The following ACBD3 variants were observed in gnomAD, a reference collection of about 807,000 sequenced individuals.
ACBD3 encodes the protein Golgi resident protein GCP60.
ACBD3 carries 30 observed loss-of-function variants against 66.9 expected under a neutral mutation model. That is an observed-to-expected ratio of 0.45 (90% CI 0.34 to 0.61). The LOEUF (loss-of-function observed/expected upper bound fraction) is 0.61, where lower values mean the gene tolerates loss of function less well. ACBD3 is among the 20% of genes least tolerant of loss of function. The pLI is 0.02. For missense variants in ACBD3, 544 were observed against 664.5 expected (o/e 0.82, Z 1.99); for synonymous variants, 278 against 259.8 (o/e 1.07, Z -0.68).
chr1:226,157,487 C>T lies in ACBD3; in HGVS notation c.903+1697G>A, dbSNP rs550626534. On this transcript the variant is annotated intron_variant, in intron 5 of 7. Transcript: ENST00000366812. The stretch of plus-strand genomic sequence containing the variant: ...CTCCCAACCTCAAGTGATCCACCCA[C>T]CTCAGCCTCCCAAAGTGCTGGGATT... Among the ~76,000 whole-genome samples the T allele has an allele frequency of 4.6e-5, 7 of 152,282 alleles. No individual in the cohort carries two copies. In the East Asian group the frequency reaches 1.3e-3, roughly 29 times the overall value.
chr1:226,175,403 T>C (rs1379593786), intron 1 of ACBD3, among the ~76,000 whole-genome samples: 1 of 152,198 alleles, frequency 6.6e-6, no homozygotes, highest in African/African-American at 2.4e-5. Context: ...AGGATGACAG[T>C]TGGGCAGCCG....
chr1:226,170,522 T>C (rs1659973082), intron 1 of ACBD3, among the ~76,000 whole-genome samples: 2 of 151,908 alleles, frequency 1.3e-5, no homozygotes, highest in African/African-American at 4.8e-5. Context: ...TCTAAATAAA[T>C]GTCAGTAAAG....
rs34313392 is a variant in ACBD3 at position 226,176,429 on chromosome 1, CAAAAAA to C, written c.286+9955_286+9960del. Among the ~76,000 whole-genome samples, 4 of 83,362 alleles carry C rather than the reference CAAAAAA, an allele frequency of 4.8e-5. No individual in the cohort carries two copies. The Admixed American group carries it at 6.0e-4, about 12-fold the overall frequency. The allele number at this position is 83,362 out of a possible 152,430, so 54.7% of individuals were successfully genotyped here. A position where few individuals can be genotyped will look rare whatever the true frequency, so the allele number is the denominator to read the frequency against. ...TGGGCTACAGAGCGAGACTCCGTCT[CAAAAAA>C]AAAAAAAAAAAAAAGCTTTCAGGTG... On this transcript the variant is annotated intron_variant, in intron 1 of 7. Coordinates refer to ENST00000366812, the MANE Select transcript of ACBD3 (RefSeq NM_022735.4).
At chr1:226,179,596 G>A (rs186159214) in intron 1 of ACBD3, among the ~76,000 whole-genome samples, 24 of 152,260 alleles carry the variant, frequency 1.6e-4, no homozygotes, top group Admixed American at 1.3e-3. Flanking sequence ...GGTGGTTCAC[G>A]CCTGTAATCC....
intron 1 of ACBD3, among the ~76,000 whole-genome samples, chr1:226,177,954 C>T (rs1353410386): frequency 2.6e-5 from 4 of 151,362 alleles, no homozygotes; most frequent in African/African-American, 4.9e-5. Flanking sequence ...TCCCATATTG[C>T]GCAGGCTGGT....
chr1:226,163,838 C>T (rs182384811), intron 3 of ACBD3, among the ~76,000 whole-genome samples: 4 of 152,112 alleles, frequency 2.6e-5, no homozygotes, highest in Admixed American at 6.5e-5. Flanking sequence ...AGAATAACAT[C>T]GGCTGGGCAA....
chr1:226,147,234 C>T (rs924204626), intron 7 of ACBD3, among the ~76,000 whole-genome samples: 4 of 152,190 alleles, frequency 2.6e-5, no homozygotes, highest in Non-Finnish European at 5.9e-5. Flanking sequence ...TTCTGTTGAA[C>T]CATTTAACAA....
At chr1:226,169,720 A>C (rs1029507996) in intron 1 of ACBD3, among the ~76,000 whole-genome samples, 3 of 151,158 alleles carry the variant, frequency 2.0e-5, no homozygotes, top group African/African-American at 4.8e-5. Flanking sequence ...TTAAAACAAA[A>C]AAAAAAAAGG....
intron 1 of ACBD3, among the ~76,000 whole-genome samples, chr1:226,166,344 G>A (rs151317317): frequency 6.6e-6 from 1 of 152,052 alleles, no homozygotes; most frequent in East Asian, 1.9e-4. Flanking sequence ...GGCTGCCCAG[G>A]CTGGTCTCGA....
At chr1:226,169,214 G>C (rs1169139570) in intron 1 of ACBD3, among the ~76,000 whole-genome samples, 2 of 151,666 alleles carry the variant, frequency 1.3e-5, no homozygotes, top group Admixed American at 6.6e-5. Context: ...TCCAGCTCCT[G>C]ATCTTAGCCT....
chr1:226,163,163 C>T (rs1344515194), intron 3 of ACBD3, among the ~76,000 whole-genome samples: 1 of 152,146 alleles, frequency 6.6e-6, no homozygotes, highest in Non-Finnish European at 1.5e-5. Context: ...CAAGAAGGTT[C>T]ACAAGCCAGA....
chr1:226,157,325 C>G (rs2102778247), intron 5 of ACBD3, among the ~76,000 whole-genome samples: 1 of 151,970 alleles, frequency 6.6e-6, no homozygotes, highest in Non-Finnish European at 1.5e-5. Context: ...CCGAAACCTC[C>G]CCCTCCTGGG....
At chr1:226,155,776 C>T (rs1043157173) in intron 5 of ACBD3, among the ~76,000 whole-genome samples, 2 of 152,058 alleles carry the variant, frequency 1.3e-5, no homozygotes, top group African/African-American at 2.4e-5. Flanking sequence ...AAATGCTGAC[C>T]TAAGAATCAA....
intron 7 of ACBD3, among the ~76,000 whole-genome samples, chr1:226,149,290 G>A (rs981714690): frequency 1.1e-4 from 16 of 150,494 alleles, no homozygotes; most frequent in African/African-American, 3.4e-4. Flanking sequence ...GCAATGGCAC[G>A]ATCTCAGCTC....
chr1:226,186,289 T>C (rs1656304446), intron 1 of ACBD3, 101 bp downstream of exon 1: 1 of 1,344,448 alleles, frequency 7.4e-7, no homozygotes, highest in Non-Finnish European at 9.6e-7. Context: ...CCAGTATGAG[T>C]GGGTGAGGGC....
At chr1:226,177,889 C>G (rs563804236) in intron 1 of ACBD3, among the ~76,000 whole-genome samples, 7 of 152,066 alleles carry the variant, frequency 4.6e-5, no homozygotes, top group African/African-American at 1.4e-4. Flanking sequence ...GCTACAGGTA[C>G]AAGCCACCAA....
Position 226,152,546 on chromosome 1 carries a change from C to A in ACBD3, c.1164G>T (p.Gln388His). 1 of 1,614,236 alleles carries A rather than the reference C, an allele frequency of 6.2e-7. No individual in the cohort carries two copies. The highest frequency in any genetic ancestry group is 8.5e-7 in the Non-Finnish European group (1 of 1,180,046). Residue 388 changes from glutamine to histidine, a missense_variant, in exon 7 of 8, where the codon CAG becomes CAT. Gln to His is a conservative substitution (Grantham distance 24, BLOSUM62 0). Transcript: ENST00000366812. Reference sequence around the variant, plus strand: ...CTGTAATCACGGAATCTGCATCCTGCTGAATCTTCTCTTTGAAGTCTTTGA... The same window carrying A: ...CTGTAATCACGGAATCTGCATCCTGATGAATCTTCTCTTTGAAGTCTTTGA... The part of the protein sequence containing the change: ...PQIKDFKEKI[Q>H]QDADSVITVG...
chr1:226,152,831 C>A (rs543879678), intron 6 of ACBD3, among the ~76,000 whole-genome samples: 1 of 152,316 alleles, frequency 6.6e-6, no homozygotes, highest in Non-Finnish European at 1.5e-5. Flanking sequence ...CAGAGGTCAT[C>A]GTACTTCTTC....
chr1:226,153,661 A>G (rs1426350865), intron 6 of ACBD3, among the ~76,000 whole-genome samples: 3 of 152,190 alleles, frequency 2.0e-5, no homozygotes, highest in African/African-American at 7.2e-5. Flanking sequence ...GAAACCTTCA[A>G]CTAATTGCTG....
Sources: allele counts gnomAD v4.1 joint callset (sites outside exome capture counted in the v4.1 genomes callset), GRCh38; gene constraint gnomAD v4.1.1; transcripts MANE v1.5; gene names NCBI Gene and HGNC (gene_info 2026-07-23, HGNC 2026-07-21).